The following INTU variants were observed in gnomAD, a reference collection of about 807,000 sequenced individuals.
INTU encodes protein inturned.
INTU carries 68 observed loss-of-function variants against 100.5 expected under a neutral mutation model. The ratio of observed to expected loss-of-function variants is 0.68; its 90% CI spans 0.56 to 0.83. The LOEUF is 0.83. Ranked by LOEUF, INTU falls within the 40% of genes least tolerant of loss-of-function variation. The probability of loss-of-function intolerance (pLI) is 0.00; values close to 1 mark genes in which losing one functional copy is unlikely to be tolerated. For synonymous variants in INTU, 357 were observed against 395.7 expected, an observed-to-expected ratio of 0.90 and a Z score of 1.16; for missense variants, 1,071 against 1,114.7, an observed-to-expected ratio of 0.96 and a Z score of 0.56.
chr4:127,700,263 T>C (rs775206359), intron 9 of INTU, among the ~76,000 whole-genome samples, 200 bp downstream of exon 9: 40 of 152,194 alleles, frequency 2.6e-4, no homozygotes, highest in Non-Finnish European at 4.0e-4. Context: ...ATGTATATTA[T>C]GGGATTAAAA....
At chr4:127,656,572 A>T in intron 2 of INTU, 64 bp from the exon 3 acceptor site, 1 of 1,189,832 alleles carries the variant, frequency 8.4e-7, no homozygotes, top group Non-Finnish European at 1.3e-6. Context: ...TAATGTTCCA[A>T]TTCTAGACCT....
intron 6 of INTU, among the ~76,000 whole-genome samples, chr4:127,682,066 A>T (rs1023163099): frequency 6.6e-6 from 1 of 150,848 alleles, no homozygotes; most frequent in Non-Finnish European, 1.5e-5. Context: ...ACCGTCTCAC[A>T]CCAGTTAGAA....
chr4:127,644,088 T>C lies in INTU; in HGVS notation c.682+32T>C, dbSNP rs1727461625. On this transcript the variant is annotated intron_variant, in intron 2 of 15. Transcript: ENST00000335251. ...GTTGCTGGTACACATCCATCCCTGT[T>C]TACAGAGATCTTGATTAATGATGAC... The C allele has an allele frequency of 5.1e-6, 8 of 1,575,246 alleles. No homozygotes were observed. In the South Asian group the frequency reaches 9.3e-5, roughly 18 times the overall value.
At chr4:127,676,134 G>A (rs1729165143) in intron 6 of INTU, 1 of 166,730 alleles carries the variant, frequency 6.0e-6, no homozygotes, top group Non-Finnish European at 1.3e-5. Context: ...TTTTTACATG[G>A]AGGGATAATG....
chr4:127,663,573 T>A lies in INTU; in HGVS notation c.961T>A (p.Ser321Thr). The A allele has an allele frequency of 6.2e-7, 1 of 1,612,672 alleles. No individual in the cohort carries two copies. The highest frequency in any genetic ancestry group is 2.2e-5 in the East Asian group (1 of 44,838). Residue 321 changes from serine (S) to threonine (T), a missense_variant, in exon 4 of 16, where the codon TCA becomes ACA. Physicochemically the swap from Ser to Thr is moderately conservative, Grantham distance 58. Coordinates refer to ENST00000335251, the MANE Select transcript of INTU (RefSeq NM_015693.4). ...YLTLQLDSET[S>T]KEEQEILYHY... ...CACACTACAGCTCGACTCAGAAACC[T>A]CAAAGGAAGAGGTGAGTGTCCTCAA...
At chr4:127,655,477 C>G (rs565120071) in intron 2 of INTU, among the ~76,000 whole-genome samples, 165 of 151,006 alleles carry the variant, frequency 1.1e-3, no homozygotes, top group African/African-American at 3.4e-3. Context: ...TTGGAATACC[C>G]TGCCGTGTGA....
chr4:127,677,771 GAGA>G lies in INTU; in HGVS notation c.1181+3564_1181+3566del, dbSNP rs1215908130. ...ACGGAGAATGACTTTGACGAGATGAGAGAAGAAGGCTTCAGACGATCAAACTAC... is the reference window on the plus strand; with the variant it reads ...ACGGAGAATGACTTTGACGAGATGAGAGAAGGCTTCAGACGATCAAACTAC... On this transcript the variant is annotated intron_variant, in intron 6 of 15. Coordinates refer to ENST00000335251, the MANE Select transcript of INTU (RefSeq NM_015693.4). Among the ~76,000 whole-genome samples, 33 of 152,288 alleles carry G rather than the reference GAGA, an allele frequency of 2.2e-4. No homozygotes were observed. The East Asian group carries it at 6.4e-3, about 29-fold the overall frequency.
At chr4:127,654,788 A>C (rs1378142474) in intron 2 of INTU, among the ~76,000 whole-genome samples, 2 of 146,818 alleles carry the variant, frequency 1.4e-5, no homozygotes, top group Middle Eastern at 3.4e-3. Context: ...AGATTGGGGA[A>C]GTTCTCCTGG....
intron 1 of INTU, among the ~76,000 whole-genome samples, chr4:127,641,150 C>T (rs1301236296): frequency 6.6e-6 from 1 of 152,064 alleles, no homozygotes; most frequent in Non-Finnish European, 1.5e-5. Flanking sequence ...TGAAACAGCC[C>T]CCTGACTAGC....
chr4:127,686,270 A>G (rs1729819928), intron 7 of INTU: 1 of 152,220 alleles, frequency 6.6e-6, no homozygotes, highest in Non-Finnish European at 1.5e-5. Flanking sequence ...ATTCATCAGC[A>G]AGTCCTGATC....
At chr4:127,664,516 A>G (rs1728611113) in intron 4 of INTU, among the ~76,000 whole-genome samples, 2 of 152,022 alleles carry the variant, frequency 1.3e-5, no homozygotes, top group Non-Finnish European at 2.9e-5. Flanking sequence ...CTAAATATTT[A>G]TGCTTTATAT....
At chr4:127,674,663 T>A (rs1010867601) in intron 6 of INTU, among the ~76,000 whole-genome samples, 1 of 152,204 alleles carries the variant, frequency 6.6e-6, no homozygotes, top group African/African-American at 2.4e-5. Flanking sequence ...TAATGGTACA[T>A]CTTATATTAT....
chr4:127,709,542 T>A (rs1019942843), intron 13 of INTU, among the ~76,000 whole-genome samples: 1 of 152,194 alleles, frequency 6.6e-6, no homozygotes, highest in African/African-American at 2.4e-5. Flanking sequence ...TCTGTAATTA[T>A]TATAATATGA....
intron 2 of INTU, among the ~76,000 whole-genome samples, chr4:127,650,906 T>A (rs1442739230): frequency 6.6e-6 from 1 of 152,312 alleles, no homozygotes; most frequent in Middle Eastern, 3.4e-3. Flanking sequence ...TTTTAATGAT[T>A]GCCATTCTAA....
At chr4:127,713,299 C>CA (rs1367254401) in intron 14 of INTU, among the ~76,000 whole-genome samples, 1 of 151,772 alleles carries the variant, frequency 6.6e-6, no homozygotes, top group African/African-American at 2.4e-5. Flanking sequence ...GAGGGCAAAC[C>CA]AAAAAGATCT....
chr4:127,710,527 T>TGATA (rs1166755949), intron 13 of INTU, among the ~76,000 whole-genome samples: 1 of 152,216 alleles, frequency 6.6e-6, no homozygotes. Flanking sequence ...TACCCTAGAC[T>TGATA]GATATCTTGT....
intron 2 of INTU, among the ~76,000 whole-genome samples, chr4:127,649,509 AT>A (rs77512546): frequency 1.7e-3 from 246 of 146,266 alleles, no homozygotes; most frequent in East Asian, 4.4e-3. Context: ...AGTGCTTCCA[AT>A]TTTTTTTTTT....
intron 6 of INTU, among the ~76,000 whole-genome samples, chr4:127,677,745 G>A (rs534652302): frequency 4.6e-5 from 7 of 152,310 alleles, no homozygotes; most frequent in African/African-American, 1.7e-4. Flanking sequence ...AACACAGCTG[G>A]ACGGAGAATG....
intron 2 of INTU, among the ~76,000 whole-genome samples, chr4:127,648,910 G>C (rs1390551835): frequency 6.6e-6 from 1 of 151,968 alleles, no homozygotes; most frequent in East Asian, 1.9e-4. Context: ...CCAAAGTGCT[G>C]TAATAGTTAA....
Sources: gnomAD v4.1 joint callset for allele counts (sites outside exome capture counted in the v4.1 genomes callset) on GRCh38, gnomAD v4.1.1 for gene constraint, MANE v1.5 for transcripts, NCBI Gene and HGNC (gene_info 2026-07-23, HGNC 2026-07-21) for gene names.